The following CLEC4A variants were observed in gnomAD, a reference collection of about 807,000 sequenced individuals.
CLEC4A encodes the protein C-type lectin domain family 4 member A.
CLEC4A carries 27 observed loss-of-function variants against 32.7 expected under a neutral mutation model. The ratio of observed to expected loss-of-function variants is 0.83; its 90% CI spans 0.61 to 1.14. The LOEUF is 1.14. Among genes scored for constraint, CLEC4A ranks in the 50% most tolerant of loss-of-function variants. CLEC4A has a pLI of 0.00. For missense variants in CLEC4A, 253 were observed against 274.6 expected, an observed-to-expected ratio of 0.92 and a Z score of 0.55; for synonymous variants, 89 against 93.7, an observed-to-expected ratio of 0.95 and a Z score of 0.29.
chr12:8,117,987 G>A, the CLEC4A span, among the ~76,000 whole-genome samples: 1 of 152,124 alleles, frequency 6.6e-6, no homozygotes, highest in Admixed American at 6.5e-5. Flanking sequence ...GAGCATCTGT[G>A]ATTGGTGCTT....
At chr12:8,114,589 T>C in the CLEC4A span, among the ~76,000 whole-genome samples, 1 of 152,212 alleles carries the variant, frequency 6.6e-6, no homozygotes, top group Non-Finnish European at 1.5e-5. Context: ...ACTCACCTTG[T>C]ACTTTCCTAC....
At chr12:8,133,833 C>T (rs1710511933) in intron 3 of CLEC4A, 3 of 1,585,816 alleles carry the variant, frequency 1.9e-6, no homozygotes, top group Admixed American at 1.8e-5. Flanking sequence ...GCTTCCCCCT[C>T]AGGGAAAGGG....
In CLEC4A at chr12:8,133,736, T is replaced by C. The variant is rs747521665; in HGVS notation, c.299-1849T>C. On this transcript the variant is annotated intron_variant, in intron 3 of 5. Coordinates refer to ENST00000229332, the MANE Select transcript of CLEC4A (RefSeq NM_016184.4). ...GGTGCTCTTTCCCTAGCTCCTCCCC[T>C]CCCCCTGTCCCCCATTCCTAGAAGG... 390 of 1,584,672 alleles carry C rather than the reference T, an allele frequency of 2.5e-4. 1 individual carries two copies. The highest frequency in any genetic ancestry group is 1.3e-3 in the South Asian group (111 of 87,028).
intron 5 of CLEC4A, 62 bp from the exon 6 acceptor site, chr12:8,138,078 G>A (rs2120651036): frequency 1.3e-6 from 2 of 1,542,960 alleles, no homozygotes; most frequent in Admixed American, 1.9e-5. Context: ...CCTCACCCCT[G>A]TCTCTAACCC....
the CLEC4A span, among the ~76,000 whole-genome samples, chr12:8,115,279 G>C: frequency 6.6e-6 from 1 of 152,180 alleles, no homozygotes; most frequent in East Asian, 1.9e-4. Context: ...TATTTTGGAG[G>C]GGATATTTAA....
At chr12:8,111,511 G>C in the CLEC4A span, among the ~76,000 whole-genome samples, 3 of 152,114 alleles carry the variant, frequency 2.0e-5, no homozygotes, top group Non-Finnish European at 4.4e-5. Context: ...TTCTCTCTCT[G>C]TGTGTATCTG....
chr12:8,105,195 G>C, the CLEC4A span, among the ~76,000 whole-genome samples: 1 of 152,136 alleles, frequency 6.6e-6, no homozygotes, highest in African/African-American at 2.4e-5. Flanking sequence ...GTTCCCACCA[G>C]CAGTGTATAA....
In CLEC4A at chr12:8,136,798, T is replaced by C. The variant is rs1291672198; in HGVS notation, c.461T>C (p.Phe154Ser). ...CTTTTCCCCCCTCAGGATTTCATCT[T>C]CCAGAATCTGCAAGAAGAATCTGCT... ...INTQEEQDFI[F>S]QNLQEESAYF... The change falls in exon 5 of 6, where the codon TTC becomes TCC. Residue 154 changes from phenylalanine (F) to serine (S), a missense_variant. Coordinates refer to ENST00000229332, the MANE Select transcript of CLEC4A (RefSeq NM_016184.4). The C allele has an allele frequency of 2.5e-6, 4 of 1,610,946 alleles. No individual in the cohort carries two copies. The highest frequency in any genetic ancestry group is 2.5e-6 in the Non-Finnish European group (3 of 1,177,334).
Position 8,123,882 on chromosome 12 carries a change from A to T in CLEC4A, c.4A>T (p.Thr2Ser). Residue 2 changes from threonine to serine, a missense_variant, in exon 1 of 6, where the codon ACT becomes TCT. Physicochemically the swap from Thr to Ser is moderately conservative, Grantham distance 58. Coordinates refer to ENST00000229332, the MANE Select transcript of CLEC4A (RefSeq NM_016184.4). M[T>S]SEITYAEVRF... ...AAGCAGAAGCTCTCTTCCCATTATG[A>T]CTTCGGAAATCACTTATGCTGAAGT... 6.2e-7 allele frequency: 1 copy of T among 1,608,454 alleles called. No homozygotes were observed. Among genetic ancestry groups the T allele is most frequent in the Non-Finnish European group, 8.5e-7 (1 of 1,174,822 alleles).
At chr12:8,136,649 A>T (rs1462415091) in intron 4 of CLEC4A, 139 bp from the exon 5 acceptor site, 1 of 554,576 alleles carries the variant, frequency 1.8e-6, no homozygotes, top group African/African-American at 1.9e-5. Flanking sequence ...CTGCTCAGCC[A>T]GAGATCCCCA....
At position 8,135,813 on chromosome 12, in the gene CLEC4A, T is replaced by C. The variant is rs368705219; in HGVS notation, c.450+77T>C. The C allele has an allele frequency of 2.1e-4, 316 of 1,497,106 alleles. 5 individuals carry two copies. The South Asian group carries it at 3.3e-3, about 16-fold the overall frequency. 92.7% of individuals were successfully genotyped at this position (1,497,106 alleles called of 1,614,324 possible). On this transcript the variant is annotated intron_variant, in intron 4 of 5. Coordinates refer to ENST00000229332, the MANE Select transcript of CLEC4A (RefSeq NM_016184.4). ...CTCTCTTGGCTAAGAAGGAGGTTTT[T>C]GTTACTTTGGGATATTTGCGCTGTG... is the stretch of plus-strand genomic sequence containing the variant.
upstream of CLEC4A, chr12:8,123,542 A>G: frequency 5.2e-6 from 1 of 193,120 alleles, no homozygotes; most frequent in Non-Finnish European, 1.1e-5. Flanking sequence ...GAAAGACTCT[A>G]AGTGCTTGGT....
Position 8,135,545 on chromosome 12 carries a change from T to C in CLEC4A, c.299-40T>C, listed in dbSNP as rs760719474. On this transcript the variant is annotated intron_variant, in intron 3 of 5. Coordinates refer to ENST00000229332, the MANE Select transcript of CLEC4A (RefSeq NM_016184.4). ...ATAATACACACACTTTTAAGAGTGATTATTTATATTGCACGTATGTGCCCC... is the reference window on the plus strand; with the variant it reads ...ATAATACACACACTTTTAAGAGTGACTATTTATATTGCACGTATGTGCCCC... 10 of 1,603,548 alleles carry C rather than the reference T, an allele frequency of 6.2e-6. No individual in the cohort carries two copies. In the South Asian group the frequency reaches 1.1e-4, roughly 18 times the overall value.
intron 3 of CLEC4A, among the ~76,000 whole-genome samples, chr12:8,135,020 G>T (rs1430948914): frequency 0.014 from 249 of 17,520 alleles, 6 homozygotes; most frequent in Non-Finnish European, 0.019. Flanking sequence ...TTAAATCTTT[G>T]TCAGATAATT....
chr12:8,134,681 C>T (rs1021689637), intron 3 of CLEC4A: 1 of 1,578,874 alleles, frequency 6.3e-7, no homozygotes, highest in African/African-American at 1.4e-5. Flanking sequence ...GAATCCCCCA[C>T]TCCTCAGAGC....
rs745714090 is a variant in CLEC4A at position 8,123,963 on chromosome 12, A to G, written c.82+3A>G. On this transcript the variant is annotated splice_donor_region_variant and intron_variant, in intron 1 of 5. Transcript: ENST00000229332. ...CATCAACACAGCCTCTTCTGCAGGT[A>G]AAGATCATTTTCTAGGGGTCAGAGT... 4 of 1,592,380 alleles carry G rather than the reference A, an allele frequency of 2.5e-6. No homozygotes were observed. The African/African-American group carries it at 4.0e-5, about 16-fold the overall frequency.
intron 3 of CLEC4A, chr12:8,134,060 T>G: frequency 6.3e-7 from 1 of 1,592,068 alleles, no homozygotes; most frequent in East Asian, 2.3e-5. Flanking sequence ...CCCAAGCTGC[T>G]GGGCGATGTG....
At chr12:8,129,475 A>T in intron 3 of CLEC4A, 113 bp downstream of exon 3, 1 of 735,326 alleles carries the variant, frequency 1.4e-6, no homozygotes, top group Non-Finnish European at 2.3e-6. Context: ...GAGTCTCACA[A>T]TAATTTAAGC....
rs147963439 is a variant in CLEC4A at position 8,129,770 on chromosome 12, C to T, written c.298+408C>T. ...TGTGCCACTGCACTCCACCTGGCGA[C>T]GGAGCAAGATTCCGCCTCAAAAAAA... On this transcript the variant is annotated intron_variant, in intron 3 of 5. Coordinates refer to ENST00000229332, the MANE Select transcript of CLEC4A (RefSeq NM_016184.4). 1.1e-3 allele frequency among the ~76,000 whole-genome samples: 162 copies of T among 152,276 alleles called. 1 individual carries two copies. Among genetic ancestry groups the T allele is most frequent in the African/African-American group, 3.5e-3 (147 of 41,556 alleles).
Sources: gnomAD v4.1 joint callset for allele counts (sites outside exome capture counted in the v4.1 genomes callset) on GRCh38, gnomAD v4.1.1 for gene constraint, MANE v1.5 for transcripts, NCBI Gene and HGNC (gene_info 2026-07-23, HGNC 2026-07-21) for gene names.